The following ANKFN1 variants were observed in gnomAD, a reference collection of about 807,000 sequenced individuals.
ANKFN1 encodes the protein ankyrin repeat and fibronectin type-III domain-containing protein 1.
A neutral mutation model predicts 108.7 loss-of-function variants in ANKFN1; 74 were observed. That is an observed-to-expected ratio of 0.68 (90% CI 0.56 to 0.83). The LOEUF (loss-of-function observed/expected upper bound fraction) is 0.83, where lower values mean the gene tolerates loss of function less well. Among genes scored for constraint, ANKFN1 ranks in the 40% least tolerant of loss-of-function variants. The pLI is 0.00. For synonymous variants in ANKFN1, 547 were observed against 516.2 expected, an observed-to-expected ratio of 1.06 and a Z score of -0.81; for missense variants, 1,505 against 1,382.3, an observed-to-expected ratio of 1.09 and a Z score of -1.41.
In ANKFN1 at chr17:56,505,860, C is replaced by T. The variant is rs977138398; in HGVS notation, c.2645-4613C>T. 3.3e-5 allele frequency among the ~76,000 whole-genome samples: 5 copies of T among 152,154 alleles called. No homozygotes were observed. The East Asian group carries it at 9.6e-4, about 29-fold the overall frequency. On this transcript the variant is annotated intron_variant, in intron 20 of 20. Coordinates refer to ENST00000682825, the MANE Select transcript of ANKFN1 (RefSeq NM_001370326.1). ...GTCCCCTCCAAACAGTATGTTCTCACTATTCGTATGTTGGGAGATCAAAAT... is the reference window on the plus strand; with the variant it reads ...GTCCCCTCCAAACAGTATGTTCTCATTATTCGTATGTTGGGAGATCAAAAT...
chr17:56,280,422 G>A (rs2044048832), intron 3 of ANKFN1, among the ~76,000 whole-genome samples: 1 of 151,902 alleles, frequency 6.6e-6, no homozygotes, highest in Admixed American at 6.6e-5. Flanking sequence ...CTGGTTCTTG[G>A]GCCTTCCACC....
intron 15 of ANKFN1, among the ~76,000 whole-genome samples, chr17:56,470,842 G>C (rs984857693): frequency 6.6e-6 from 1 of 152,108 alleles, no homozygotes; most frequent in African/African-American, 2.4e-5. Flanking sequence ...GCCTGGGAAG[G>C]AAAAGAGAGT....
chr17:56,461,273 T>G (rs1237042280), intron 14 of ANKFN1, among the ~76,000 whole-genome samples: 1 of 152,218 alleles, frequency 6.6e-6, no homozygotes, highest in East Asian at 1.9e-4. Context: ...TTCTCTGTCT[T>G]AAAGAGTGCC....
At chr17:56,359,520 T>G (rs147784899) in intron 6 of ANKFN1, among the ~76,000 whole-genome samples, 1,683 of 152,290 alleles carry the variant, frequency 0.011, 10 homozygotes, top group Non-Finnish European at 0.018. Context: ...CATTTCTTGG[T>G]GAATGCCTCC....
intron 18 of ANKFN1, among the ~76,000 whole-genome samples, chr17:56,488,799 T>C (rs1031985004): frequency 6.6e-6 from 1 of 152,250 alleles, no homozygotes; most frequent in Non-Finnish European, 1.5e-5. Flanking sequence ...ATTAGGATTT[T>C]AGTGAGTTAG....
intron 3 of ANKFN1, among the ~76,000 whole-genome samples, chr17:56,270,939 T>C (rs1212880939): frequency 6.6e-6 from 1 of 152,140 alleles, no homozygotes; most frequent in Non-Finnish European, 1.5e-5. Context: ...TAATGTTTAA[T>C]TTTCTTCTTA....
intron 4 of ANKFN1, among the ~76,000 whole-genome samples, chr17:56,050,704 G>C (rs1392943631): frequency 1.3e-5 from 2 of 151,948 alleles, no homozygotes; most frequent in Non-Finnish European, 2.9e-5. Context: ...GATAGTTGTA[G>C]ATATGCGGCG....
intron 8 of ANKFN1, among the ~76,000 whole-genome samples, chr17:56,414,142 A>ATT (rs921174101): frequency 4.6e-5 from 7 of 151,478 alleles, no homozygotes; most frequent in Admixed American, 4.6e-4. Context: ...ATTGGCCTGA[A>ATT]TTTTTTTTTG....
At chr17:56,146,822 T>C (rs998516834) in intron 4 of ANKFN1, among the ~76,000 whole-genome samples, 6 of 152,258 alleles carry the variant, frequency 3.9e-5, no homozygotes, top group African/African-American at 1.4e-4. Flanking sequence ...GTCTTGGTGA[T>C]TAACTTTCAG....
intron 8 of ANKFN1, among the ~76,000 whole-genome samples, chr17:56,386,141 AT>A (rs1173028020): frequency 6.6e-6 from 1 of 151,528 alleles, no homozygotes; most frequent in Non-Finnish European, 1.5e-5. Flanking sequence ...CTATGCAGCC[AT>A]AAAAAATGAT....
At chr17:56,271,329 C>T (rs2043789024) in intron 3 of ANKFN1, among the ~76,000 whole-genome samples, 1 of 152,124 alleles carries the variant, frequency 6.6e-6, no homozygotes, top group Admixed American at 6.6e-5. Context: ...TGTTGGCCGC[C>T]ACCAAACTGT....
At chr17:56,126,553 T>C (rs1333318818) in intron 4 of ANKFN1, among the ~76,000 whole-genome samples, 1 of 152,202 alleles carries the variant, frequency 6.6e-6, no homozygotes, top group Admixed American at 6.5e-5. Context: ...GGCCACAGAA[T>C]TCTTTCATGT....
chr17:56,461,702 C>G (rs920849229), intron 14 of ANKFN1, among the ~76,000 whole-genome samples: 2 of 152,216 alleles, frequency 1.3e-5, no homozygotes, highest in Non-Finnish European at 2.9e-5. Context: ...TAGTGCCCCA[C>G]TTGGACTGTG....
intron 3 of ANKFN1, among the ~76,000 whole-genome samples, chr17:56,266,142 G>A (rs1053977154): frequency 5.9e-5 from 9 of 152,164 alleles, no homozygotes; most frequent in African/African-American, 1.9e-4. Flanking sequence ...TCTGGGCATT[G>A]GAGATATCTT....
intron 11 of ANKFN1, among the ~76,000 whole-genome samples, chr17:56,455,439 G>A (rs896840293): frequency 3.9e-5 from 6 of 152,180 alleles, no homozygotes; most frequent in Non-Finnish European, 7.3e-5. Context: ...CTTGAAACTG[G>A]CATGAATGCT....
intron 19 of ANKFN1, among the ~76,000 whole-genome samples, chr17:56,495,336 T>A (rs2051167369): frequency 6.7e-6 from 1 of 150,122 alleles, no homozygotes; most frequent in African/African-American, 2.5e-5. Context: ...TCTCTCTCTC[T>A]CACTCACTCA....
rs776761604 is a variant in ANKFN1, at chr17:56,456,883, A to T, written c.1230A>T (p.Thr410=). ...CAGAAAGCACAAAATTACAAACCAC[A>T]GGCCGCAAGCAGTCAGTCTCAAGAA... ...SCRESTKLQT[T]GRKQSVSRSL... The change falls in exon 12 of 21, where the codon ACA becomes ACT. Residue 410 remains threonine (T), a synonymous_variant. Transcript: ENST00000682825. 3.7e-6 allele frequency: 6 copies of T among 1,614,114 alleles called. No homozygotes were observed. Among genetic ancestry groups the T allele is most frequent in the Non-Finnish European group, 5.1e-6 (6 of 1,179,978 alleles).
In ANKFN1 at chr17:56,088,927, G is replaced by T. The variant is rs536329862; in HGVS notation, c.288+42602G>T. On this transcript the variant is annotated intron_variant, in intron 4 of 12. Coordinates refer to the ANKFN1 transcript ENST00000635860. The stretch of plus-strand genomic sequence containing the variant: ...TATAATGGTAGTAGAATCAATTCTG[G>T]CTTGGTCTAGCATGGCTTAGAGGAG... Among the ~76,000 whole-genome samples, 18 of 151,250 alleles carry T rather than the reference G, an allele frequency of 1.2e-4. 1 individual carries two copies. Among genetic ancestry groups the T allele is most frequent in the African/African-American group, 4.4e-4 (18 of 41,184 alleles).
chr17:56,477,449 T>C (rs777718740), intron 15 of ANKFN1, 39 bp from the exon 16 acceptor site: 1 of 1,508,824 alleles, frequency 6.6e-7, no homozygotes, highest in Non-Finnish European at 8.8e-7. Flanking sequence ...TTCGAGTTGT[T>C]TTCTTGTTTT....
Sources: gnomAD v4.1 joint callset for allele counts (sites outside exome capture counted in the v4.1 genomes callset) on GRCh38, gnomAD v4.1.1 for gene constraint, MANE v1.5 for transcripts, NCBI Gene and HGNC (gene_info 2026-07-23, HGNC 2026-07-21) for gene names.